The following CCDC158 variants were observed in gnomAD, a reference collection of about 807,000 sequenced individuals.
CCDC158 encodes coiled-coil domain containing 158.
CCDC158 carries 116 observed loss-of-function variants against 138.6 expected under a neutral mutation model. The ratio of observed to expected loss-of-function variants is 0.84; its 90% CI spans 0.72 to 0.98. The LOEUF is 0.98. Ranked by LOEUF, CCDC158 falls within the 50% of genes least tolerant of loss-of-function variation. The pLI is 0.00. For synonymous variants in CCDC158, 436 were observed against 442.4 expected (o/e 0.99, Z 0.18); for missense variants, 1,265 against 1,306.1 (o/e 0.97, Z 0.48).
chr4:76,371,629 G>T, intron 9 of CCDC158, 93 bp from the exon 10 acceptor site: 1 of 1,468,858 alleles, frequency 6.8e-7, no homozygotes. Flanking sequence ...GTATTATTTT[G>T]AGAACAAAAA....
chr4:76,356,317 T>TG (rs1435421467), intron 14 of CCDC158, among the ~76,000 whole-genome samples: 1 of 152,166 alleles, frequency 6.6e-6, no homozygotes, highest in Non-Finnish European at 1.5e-5. Flanking sequence ...TGAAGAATTA[T>TG]GGTCTGATTA....
chr4:76,321,114 C>A (rs1051027164), intron 24 of CCDC158, among the ~76,000 whole-genome samples: 1 of 152,048 alleles, frequency 6.6e-6, no homozygotes, highest in African/African-American at 2.4e-5. Flanking sequence ...CATGAATAGA[C>A]AATTCTCAAA....
At chr4:76,367,160 C>T in intron 12 of CCDC158, 134 bp downstream of exon 12, 1 of 941,766 alleles carries the variant, frequency 1.1e-6, no homozygotes, top group Non-Finnish European at 1.6e-6. Context: ...CAAAAACACA[C>T]ATATACACAT....
intron 18 of CCDC158, among the ~76,000 whole-genome samples, chr4:76,336,092 G>A (rs1311738440): frequency 7.2e-6 from 1 of 139,810 alleles, no homozygotes; most frequent in African/African-American, 2.6e-5. Context: ...TGAGGCAGGA[G>A]AATGGCATGA....
At chr4:76,399,071 C>G (rs1270013259) in intron 3 of CCDC158, among the ~76,000 whole-genome samples, 3 of 152,060 alleles carry the variant, frequency 2.0e-5, no homozygotes, top group Admixed American at 6.6e-5. Context: ...TTAGGAGATG[C>G]ACATTCAGGT....
rs557980580 is a variant in CCDC158, at chr4:76,314,782, G to A, written c.3278-1536C>T. On this transcript the variant is annotated intron_variant, in intron 24 of 24. Transcript: ENST00000682701. ...CTGACTATATCTCACAGGGGCCCTC[G>A]GGAAAGGTGGCTGGCAGAATTTGGG... Among the ~76,000 whole-genome samples the A allele has an allele frequency of 7.2e-5, 11 of 152,268 alleles. No individual in the cohort carries two copies. The East Asian group carries it at 1.7e-3, about 24-fold the overall frequency.
At chr4:76,319,054 T>C (rs4859667) in intron 24 of CCDC158, among the ~76,000 whole-genome samples, 127,321 of 151,360 alleles carry the variant, frequency 0.84, 53,782 homozygotes, top group South Asian at 0.94. Flanking sequence ...GGGCAGATCT[T>C]GAGGTCAGGA....
rs141633558 is a variant in CCDC158, at chr4:76,380,107, T to C, written c.915-703A>G. On this transcript the variant is annotated intron_variant, in intron 8 of 24. Transcript: ENST00000682701. ...CCCAGTCTTGGATAGTTCTTTATAG[T>C]AGTGTAAGAATGGATTAATACAGAA... Among the ~76,000 whole-genome samples, 420 of 152,264 alleles carry C rather than the reference T, an allele frequency of 2.8e-3. 2 individuals carry two copies. The highest frequency in any genetic ancestry group is 9.2e-3 in the African/African-American group (382 of 41,550).
chr4:76,381,581 A>G (rs1247595744), intron 8 of CCDC158, among the ~76,000 whole-genome samples: 1 of 152,276 alleles, frequency 6.6e-6, no homozygotes, highest in Admixed American at 6.5e-5. Context: ...ACAGGCTTAT[A>G]GGTGGAACGG....
At chr4:76,418,817 A>T (rs1047923254) in intron 1 of CCDC158, among the ~76,000 whole-genome samples, 2 of 152,218 alleles carry the variant, frequency 1.3e-5, no homozygotes, top group Non-Finnish European at 2.9e-5. Flanking sequence ...ATACAGCCAA[A>T]CCATATCAAG....
chr4:76,411,455 T>A, intron 2 of CCDC158, among the ~76,000 whole-genome samples: 1 of 152,282 alleles, frequency 6.6e-6, no homozygotes, highest in South Asian at 2.1e-4. Flanking sequence ...CTTTATAACT[T>A]AAGCAGTGTA....
chr4:76,401,033 C>T (rs779068554), intron 3 of CCDC158, among the ~76,000 whole-genome samples: 1 of 152,098 alleles, frequency 6.6e-6, no homozygotes, highest in African/African-American at 2.4e-5. Context: ...AAAAACCCAG[C>T]GGTGCCTGAG....
At chr4:76,417,379 T>C (rs1401772001) in intron 1 of CCDC158, among the ~76,000 whole-genome samples, 1 of 152,180 alleles carries the variant, frequency 6.6e-6, no homozygotes. Flanking sequence ...ACTTTTGCAT[T>C]AATGCTGAAA....
intron 14 of CCDC158, 76 bp downstream of exon 14, chr4:76,357,298 T>C (rs1723665865): frequency 2.0e-6 from 2 of 1,025,490 alleles, no homozygotes; most frequent in African/African-American, 1.6e-5. Context: ...GGTAACGTAT[T>C]TGAGTTTCTG....
chr4:76,396,362 T>C lies in CCDC158; in HGVS notation c.195A>G (p.Arg65=), dbSNP rs774038587. 6.2e-7 allele frequency: 1 copy of C among 1,613,960 alleles called. No individual in the cohort carries two copies. The highest frequency in any genetic ancestry group is 8.5e-7 in the Non-Finnish European group (1 of 1,179,860). Residue 65 remains arginine, a synonymous_variant, in exon 4 of 25, where the codon AGA becomes AGG. Transcript: ENST00000682701. ...PKYEVELDSP[R]KIIPSPGKEH... ...CCTTTCCAGGAGATGGGATGATTTT[T>C]CTAGGAGAATCAAGTTCCACTTCAT...
rs771422493 is a variant in CCDC158, at chr4:76,367,711, T to G, written c.1413A>C (p.Glu471Asp). The G allele has an allele frequency of 1.9e-6, 3 of 1,613,944 alleles. No homozygotes were observed. Among genetic ancestry groups the G allele is most frequent in the Admixed American group, 3.3e-5 (2 of 59,990 alleles). ...EKVSSLTAQL[E>D]STKEMLRKVV... ...CTTTGCGCAGCATCTCTTTGGTGGA[T>G]TCAAGCTGAGCAGTCAAGGAGGATA... The change falls in exon 12 of 25, where the codon GAA (glutamate) becomes GAC (aspartate). Residue 471 changes from glutamate to aspartate, a missense_variant. Physicochemically the swap from Glu to Asp is conservative, Grantham distance 45. Coordinates refer to ENST00000682701, the MANE Select transcript of CCDC158 (RefSeq NM_001394954.1).
chr4:76,357,481 T>G lies in CCDC158; in HGVS notation c.2066A>C (p.Glu689Ala), dbSNP rs759485574. 13 of 1,604,050 alleles carry G rather than the reference T, an allele frequency of 8.1e-6. No individual in the cohort carries two copies. In the African/African-American group the frequency reaches 1.7e-4, roughly 21 times the overall value. Residue 689 changes from glutamate (E) to alanine (A), a missense_variant, in exon 14 of 25, where the codon GAA becomes GCA. Physicochemically the swap from Glu to Ala is moderately radical, Grantham distance 107. Transcript: ENST00000682701. ...LKRNFRNKSE[E>A]MEMTTNKLKM... ...CAACTTATTTGTAGTCATTTCCATT[T>G]CTTCACTTTTGTTTCGGAAATTCCT...
At chr4:76,364,358 C>T (rs190882533) in intron 12 of CCDC158, among the ~76,000 whole-genome samples, 48 of 152,294 alleles carry the variant, frequency 3.2e-4, no homozygotes, top group Middle Eastern at 6.8e-3. Flanking sequence ...CCCCTCTCTT[C>T]CCAGGGTGTA....
intron 12 of CCDC158, 126 bp downstream of exon 12, chr4:76,367,168 C>T: frequency 9.7e-7 from 1 of 1,032,510 alleles, no homozygotes; most frequent in Non-Finnish European, 1.4e-6. Context: ...CACATATACA[C>T]ATAGAAACAA....
Sources: allele counts gnomAD v4.1 joint callset (sites outside exome capture counted in the v4.1 genomes callset), GRCh38; gene constraint gnomAD v4.1.1; transcripts MANE v1.5; gene names NCBI Gene and HGNC (gene_info 2026-07-23, HGNC 2026-07-21).